The following ADGRB3 variants were observed in gnomAD, a reference collection of about 807,000 sequenced individuals.
ADGRB3 encodes the protein brain-specific angiogenesis inhibitor 3.
In ADGRB3, 37 loss-of-function variants were observed where a neutral mutation model predicts 193.4. The ratio of observed to expected loss-of-function variants is 0.19; its 90% CI spans 0.15 to 0.25. The LOEUF (loss-of-function observed/expected upper bound fraction) is 0.25. Among genes scored for constraint, ADGRB3 ranks in the 10% least tolerant of loss-of-function variants. The pLI is 1.00. For synonymous variants in ADGRB3, 690 were observed against 644.2 expected, an observed-to-expected ratio of 1.07 and a Z score of -1.08; for missense variants, 1,637 against 1,852.9, an observed-to-expected ratio of 0.88 and a Z score of 2.14.
chr6:69,007,683 TCTCTCTCTCTCA>T (rs1160858128), intron 11 of ADGRB3, among the ~76,000 whole-genome samples: 1 of 76,602 alleles, frequency 1.3e-5, no homozygotes, highest in Non-Finnish European at 3.0e-5. Flanking sequence ...TCTCTCTCTC[TCTCTCTCTCTCA>T]CACACACACA....
At chr6:69,365,328 T>C (rs895232947) in intron 29 of ADGRB3, among the ~76,000 whole-genome samples, 3 of 152,030 alleles carry the variant, frequency 2.0e-5, no homozygotes, top group South Asian at 2.1e-4. Context: ...ATGTCTGGTG[T>C]AGTTCCCACA....
Position 69,274,880 on chromosome 6 carries a change from G to T in ADGRB3, c.2814+35654G>T, listed in dbSNP as rs1767267867. On this transcript the variant is annotated intron_variant, in intron 20 of 31. Transcript: ENST00000370598. ...ATCAATGGAAACTTGGCCAAAGAATGAAACTGAGTCTTAGAAATGTACTGA... is the reference window on the plus strand; with the variant it reads ...ATCAATGGAAACTTGGCCAAAGAATTAAACTGAGTCTTAGAAATGTACTGA... Among the ~76,000 whole-genome samples the T allele has an allele frequency of 2.6e-5, 4 of 152,064 alleles. No homozygotes were observed. The South Asian group carries it at 8.3e-4, about 31-fold the overall frequency.
At chr6:68,827,375 T>TA (rs1478544641) in intron 3 of ADGRB3, among the ~76,000 whole-genome samples, 2 of 151,800 alleles carry the variant, frequency 1.3e-5, no homozygotes, top group Non-Finnish European at 2.9e-5. Flanking sequence ...AGTGATTTTT[T>TA]AAAAAAATAA....
At chr6:69,071,349 T>C (rs1223741037) in intron 16 of ADGRB3, among the ~76,000 whole-genome samples, 3 of 120,660 alleles carry the variant, frequency 2.5e-5, no homozygotes, top group Non-Finnish European at 3.7e-5. Context: ...ACAAAAGTTA[T>C]GCAGTTCAAC....
intron 17 of ADGRB3, among the ~76,000 whole-genome samples, chr6:69,086,540 T>C (rs1772555902): frequency 6.6e-6 from 1 of 152,100 alleles, no homozygotes; most frequent in Non-Finnish European, 1.5e-5. Context: ...AGCAGTGAGA[T>C]TATGTTTACT....
intron 17 of ADGRB3, among the ~76,000 whole-genome samples, chr6:69,095,810 C>T (rs541850542): frequency 1.3e-5 from 2 of 152,074 alleles, no homozygotes; most frequent in African/African-American, 2.4e-5. Context: ...CACATGCACG[C>T]GTGCACACAC....
intron 3 of ADGRB3, among the ~76,000 whole-genome samples, chr6:68,782,285 C>T (rs2127361602): frequency 6.6e-6 from 1 of 151,886 alleles, no homozygotes; most frequent in South Asian, 2.1e-4. Context: ...ATCTATGTCC[C>T]TACAAAGGAC....
At chr6:68,924,749 G>T (rs1175081471) in intron 3 of ADGRB3, among the ~76,000 whole-genome samples, 2 of 151,930 alleles carry the variant, frequency 1.3e-5, no homozygotes, top group African/African-American at 2.4e-5. Context: ...GTTACTGTAA[G>T]AAATAGCATT....
At chr6:68,769,505 A>G (rs1766574780) in intron 3 of ADGRB3, among the ~76,000 whole-genome samples, 1 of 152,122 alleles carries the variant, frequency 6.6e-6, no homozygotes, top group South Asian at 2.1e-4. Context: ...ACATGGACAC[A>G]GGGAGGGGAA....
At chr6:69,062,835 G>A (rs548352595) in intron 15 of ADGRB3, 99 bp from the exon 16 acceptor site, 1 of 761,788 alleles carries the variant, frequency 1.3e-6, no homozygotes, top group African/African-American at 1.8e-5. Flanking sequence ...TTTTGCTTTG[G>A]ATGCATTTAT....
At chr6:68,951,096 T>C (rs1692674431) in intron 6 of ADGRB3, among the ~76,000 whole-genome samples, 2 of 152,152 alleles carry the variant, frequency 1.3e-5, no homozygotes. Flanking sequence ...TGCCAACAGA[T>C]ATTTTACATG....
At position 69,122,274 on chromosome 6, in the gene ADGRB3, C is replaced by A. The variant is rs1019179668; in HGVS notation, c.2480+46236C>A. 1.2e-4 allele frequency among the ~76,000 whole-genome samples: 18 copies of A among 151,734 alleles called. No homozygotes were observed. In the East Asian group the frequency reaches 2.6e-3, roughly 22 times the overall value. ...GACCAGCCTGGTCAACAGGGCGAAA[C>A]CCCGTCTCCTCCAAAAATACAAAAA... is the stretch of plus-strand genomic sequence containing the variant. On this transcript the variant is annotated intron_variant, in intron 17 of 31. Transcript: ENST00000370598.
At chr6:68,958,903 G>C (rs1483662908) in intron 8 of ADGRB3, among the ~76,000 whole-genome samples, 6 of 150,916 alleles carry the variant, frequency 4.0e-5, no homozygotes, top group Admixed American at 4.0e-4. Context: ...GTGTGTGTGT[G>C]TGTGTGTGTA....
intron 3 of ADGRB3, among the ~76,000 whole-genome samples, chr6:68,761,241 G>A (rs1057203439): frequency 1.3e-5 from 2 of 152,180 alleles, no homozygotes; most frequent in African/African-American, 4.8e-5. Flanking sequence ...GAGAGAGGGA[G>A]AAATAATAGA....
chr6:68,981,441 A>G (rs1265946079), intron 10 of ADGRB3, among the ~76,000 whole-genome samples: 1 of 151,720 alleles, frequency 6.6e-6, no homozygotes, highest in Non-Finnish European at 1.5e-5. Flanking sequence ...TAAGCAATTC[A>G]TATGTCAGAG....
chr6:69,058,808 T>C (rs138655026), intron 15 of ADGRB3, among the ~76,000 whole-genome samples: 1 of 152,272 alleles, frequency 6.6e-6, no homozygotes, highest in Non-Finnish European at 1.5e-5. Flanking sequence ...TCGGAAAAGA[T>C]ACTTGGTAAG....
chr6:69,000,902 T>C (rs1214483139), intron 11 of ADGRB3, among the ~76,000 whole-genome samples: 1 of 152,200 alleles, frequency 6.6e-6, no homozygotes, highest in Non-Finnish European at 1.5e-5. Flanking sequence ...GGCTCAGAAA[T>C]ATATAACAGT....
chr6:69,031,420 G>A (rs1178853685), intron 13 of ADGRB3, among the ~76,000 whole-genome samples: 5 of 136,098 alleles, frequency 3.7e-5, no homozygotes, highest in Admixed American at 1.5e-4. Flanking sequence ...CAGCCTGGGC[G>A]ACAGAGCAAG....
intron 3 of ADGRB3, among the ~76,000 whole-genome samples, chr6:68,783,788 G>T (rs1227134679): frequency 1.3e-5 from 2 of 152,046 alleles, no homozygotes; most frequent in East Asian, 1.9e-4. Context: ...TACCCAACCT[G>T]CAGAATTAGG....
Sources: allele counts gnomAD v4.1 joint callset (sites outside exome capture counted in the v4.1 genomes callset), GRCh38; gene constraint gnomAD v4.1.1; transcripts MANE v1.5; gene names NCBI Gene and HGNC (gene_info 2026-07-23, HGNC 2026-07-21).